Variants in NLGN1 observed in about 807,000 individuals in gnomAD.
NLGN1 encodes neuroligin 1.
A neutral mutation model predicts 65.5 loss-of-function variants in NLGN1; 12 were observed. The observed-to-expected ratio is 0.18, with a 90% CI of 0.12 to 0.30. NLGN1 has a LOEUF of 0.30. Ranked by LOEUF, NLGN1 falls within the 10% of genes least tolerant of loss-of-function variation. The pLI, the probability that NLGN1 is intolerant of heterozygous loss-of-function variation, is 1.00. For synonymous variants in NLGN1, 350 were observed against 359.5 expected (o/e 0.97, Z 0.30); for missense variants, 750 against 1,007.1 (o/e 0.74, Z 3.46).
At chr3:174,217,844 T>C (rs1217916310) in intron 4 of NLGN1, among the ~76,000 whole-genome samples, 1 of 151,946 alleles carries the variant, frequency 6.6e-6, no homozygotes, top group Non-Finnish European at 1.5e-5. Flanking sequence ...GGGGACTATA[T>C]ACATACATCA....
At chr3:173,936,610 T>C (rs1745116691) in intron 4 of NLGN1, among the ~76,000 whole-genome samples, 2 of 152,046 alleles carry the variant, frequency 1.3e-5, no homozygotes, top group South Asian at 4.1e-4. Flanking sequence ...TGCCACAAGA[T>C]TGAAGATAGG....
At position 173,739,781 on chromosome 3, in the gene NLGN1, T is replaced by A. The variant is rs77318152; in HGVS notation, c.494-67899T>A. Among the ~76,000 whole-genome samples the A allele has an allele frequency of 5.3e-5, 8 of 152,256 alleles. No homozygotes were observed. In the East Asian group the frequency reaches 1.5e-3, roughly 29 times the overall value. On this transcript the variant is annotated intron_variant, in intron 3 of 6. Coordinates refer to ENST00000457714, the Ensembl canonical transcript of NLGN1. ...AGTACTCTAGAGTTTCAGTTAACCA[T>A]CCTCAGTAAATAAACCATTTGTTAA...
intron 4 of NLGN1, among the ~76,000 whole-genome samples, chr3:174,051,816 G>C (rs1051386830): frequency 1.3e-5 from 2 of 151,956 alleles, no homozygotes; most frequent in Non-Finnish European, 2.9e-5. Flanking sequence ...GAAGAGAAAA[G>C]TATATCCCTC....
chr3:173,423,382 A>G (rs979493054), intron 1 of NLGN1, among the ~76,000 whole-genome samples: 8 of 152,190 alleles, frequency 5.3e-5, no homozygotes, highest in African/African-American at 1.9e-4. Context: ...TCATTCCGGC[A>G]TTAACTCAAA....
intron 4 of NLGN1, among the ~76,000 whole-genome samples, chr3:173,942,709 C>T (rs570913701): frequency 6.6e-6 from 1 of 152,188 alleles, no homozygotes; most frequent in East Asian, 1.9e-4. Context: ...TTTGTTATCC[C>T]TTTTTTCATA....
intron 4 of NLGN1, among the ~76,000 whole-genome samples, chr3:173,932,490 G>A (rs1744273786): frequency 6.8e-6 from 1 of 146,532 alleles, no homozygotes. Flanking sequence ...GAGAGAGAAA[G>A]GAGGTGCACA....
intron 4 of NLGN1, among the ~76,000 whole-genome samples, chr3:174,247,980 T>C (rs1408104603): frequency 6.6e-6 from 1 of 152,196 alleles, no homozygotes. Context: ...ATTCAAAAAA[T>C]AAGCAGACCA....
intron 4 of NLGN1, among the ~76,000 whole-genome samples, chr3:174,138,164 C>T (rs936165765): frequency 6.6e-6 from 1 of 152,016 alleles, no homozygotes; most frequent in African/African-American, 2.4e-5. Context: ...TTTAATAGCA[C>T]GTTTGGTCTC....
At chr3:173,448,040 G>A (rs1339177957) in intron 2 of NLGN1, among the ~76,000 whole-genome samples, 1 of 152,102 alleles carries the variant, frequency 6.6e-6, no homozygotes. Flanking sequence ...TGTCCTAATT[G>A]AATGCCCTTT....
At chr3:173,827,135 G>C (rs1315461194) in intron 4 of NLGN1, among the ~76,000 whole-genome samples, 1 of 152,002 alleles carries the variant, frequency 6.6e-6, no homozygotes, top group Admixed American at 6.6e-5. Context: ...CGTTCTAGGA[G>C]TAAAGGTCAG....
chr3:173,530,043 C>T (rs559634837), intron 2 of NLGN1, among the ~76,000 whole-genome samples: 5 of 151,644 alleles, frequency 3.3e-5, no homozygotes, highest in South Asian at 2.1e-4. Flanking sequence ...CTGCAACCCC[C>T]GCCTCCTGGG....
rs10663769 is a variant in NLGN1 at position 174,197,518 on chromosome 3, C to CAAA, written c.647-77780_647-77778dup. On this transcript the variant is annotated intron_variant, in intron 4 of 6. Coordinates refer to ENST00000457714, the Ensembl canonical transcript of NLGN1. Reference sequence around the variant, plus strand: ...TTTCTTGAGCTACGGTACTTAACCTCAAAAAAAAAAAAAAAAAAAGGAGAA... The same window carrying CAAA: ...TTTCTTGAGCTACGGTACTTAACCTCAAAAAAAAAAAAAAAAAAAAAAGGAGAA... Among the ~76,000 whole-genome samples, 351 of 100,342 alleles carry CAAA rather than the reference C, an allele frequency of 3.5e-3. 11 individuals carry two copies. The highest frequency in any genetic ancestry group is 0.02 in the East Asian group (81 of 4,112). The allele number at this position is 100,342 out of a possible 152,430, so 65.8% of individuals were successfully genotyped here.
chr3:174,289,915 GTA>G (rs1233687943), downstream of NLGN1, among the ~76,000 whole-genome samples: 1 of 138,698 alleles, frequency 7.2e-6, no homozygotes, highest in African/African-American at 2.6e-5. Context: ...ATATATGTAT[GTA>G]TATATATGTG....
At chr3:173,598,995 C>T (rs1749992823) in intron 2 of NLGN1, among the ~76,000 whole-genome samples, 1 of 152,142 alleles carries the variant, frequency 6.6e-6, no homozygotes, top group South Asian at 2.1e-4. Flanking sequence ...ACAGTATCTA[C>T]TGAACATTCT....
intron 4 of NLGN1, among the ~76,000 whole-genome samples, chr3:174,051,891 C>A (rs1219186735): frequency 6.6e-6 from 1 of 151,894 alleles, no homozygotes; most frequent in Non-Finnish European, 1.5e-5. Context: ...AGATGTAACA[C>A]AATACAATTG....
chr3:173,630,806 T>G (rs1278484054), intron 3 of NLGN1, among the ~76,000 whole-genome samples: 1 of 152,160 alleles, frequency 6.6e-6, no homozygotes, highest in Non-Finnish European at 1.5e-5. Context: ...TTACATGCCA[T>G]AAACTTCTTG....
Position 174,280,675 on chromosome 3 carries a change from A to G in NLGN1, c.1844A>G (p.Asn615Ser), listed in dbSNP as rs1751388953. The G allele has an allele frequency of 6.2e-7, 1 of 1,613,226 alleles. No homozygotes were observed. Among genetic ancestry groups the G allele is most frequent in the African/African-American group, 1.3e-5 (1 of 74,830 alleles). ...TTGGAGTTGGTACCTCATCTGCATA[A>G]TCTCAATGACATTTCTCAGTATACC... The change falls in exon 7 of 7, where the codon AAT becomes AGT. Residue 615 changes from asparagine (N) to serine (S), a missense_variant. Physicochemically the swap from Asn to Ser is conservative, Grantham distance 46. Transcript: ENST00000457714. The surrounding 1 kb of genome is among the most constrained non-coding windows in gnomAD (Gnocchi z 4.9).
chr3:174,102,687 A>T (rs1712812042), intron 4 of NLGN1, among the ~76,000 whole-genome samples: 1 of 152,202 alleles, frequency 6.6e-6, no homozygotes, highest in African/African-American at 2.4e-5. Flanking sequence ...TGACTGGTTG[A>T]TTGGATGGCC....
chr3:173,423,040 C>T (rs1715404882), intron 1 of NLGN1, among the ~76,000 whole-genome samples: 1 of 152,146 alleles, frequency 6.6e-6, no homozygotes, highest in Non-Finnish European at 1.5e-5. Flanking sequence ...AACTTACAAT[C>T]ATGGTAGAGG....
Sources: allele counts gnomAD v4.1 joint callset (sites outside exome capture counted in the v4.1 genomes callset), GRCh38; gene constraint gnomAD v4.1.1; non-coding constraint Gnocchi (gnomAD v3.1); transcripts MANE v1.5; gene names NCBI Gene and HGNC (gene_info 2026-07-23, HGNC 2026-07-21).